Variants in MMP26 observed in about 807,000 individuals in gnomAD.
The protein encoded by MMP26 is matrix metalloproteinase-26.
A neutral mutation model predicts 31.0 loss-of-function variants in MMP26; 33 were observed. The observed-to-expected ratio is 1.06, with a 90% CI of 0.81 to 1.42. The LOEUF (loss-of-function observed/expected upper bound fraction) is 1.42, where lower values mean the gene tolerates loss of function less well. Among genes scored for constraint, MMP26 ranks in the 40% most tolerant of loss-of-function variants. MMP26 has a pLI of 0.00. For missense variants in MMP26, 347 were observed against 316.1 expected (o/e 1.10, Z -0.74); for synonymous variants, 122 against 114.9 (o/e 1.06, Z -0.40).
intron 2 of MMP26, among the ~76,000 whole-genome samples, chr11:4,819,024 G>C (rs931507900): frequency 6.6e-6 from 1 of 152,048 alleles, no homozygotes; most frequent in African/African-American, 2.4e-5. Flanking sequence ...GAGAATACAG[G>C]ATAACTCCTA....
rs58016783 is a variant in MMP26, at chr11:4,986,511, ATTTTTTTTTTTTTTTTTTT to A, written c.-144-1538_-144-1520del. 1.7e-3 allele frequency among the ~76,000 whole-genome samples: 53 copies of A among 31,634 alleles called. 1 individual carries two copies. Among genetic ancestry groups the A allele is most frequent in the African/African-American group, 4.7e-3 (41 of 8,800 alleles). The allele number at this position is 31,634 out of a possible 152,430, so 20.8% of individuals were successfully genotyped here. A position where few individuals can be genotyped will look rare whatever the true frequency, so the allele number is the denominator to read the frequency against. ...AAGTGAGCACCACCATGCCCAGTCG[ATTTTTTTTTTTTTTTTTTT>A]TTTTTTTTTTTTTTTTTTGAGACAG... is the stretch of plus-strand genomic sequence containing the variant. On this transcript the variant is annotated intron_variant, in intron 2 of 7. Transcript: ENST00000380390.
At chr11:4,859,479 C>T (rs1255275103) in intron 2 of MMP26, 1 of 351,590 alleles carries the variant, frequency 2.8e-6, no homozygotes, top group Non-Finnish European at 5.6e-6. Context: ...TATGTATCTT[C>T]ACCCACAAGC....
At chr11:4,717,248 C>T (rs576615477) in intron 1 of MMP26, among the ~76,000 whole-genome samples, 2 of 152,172 alleles carry the variant, frequency 1.3e-5, no homozygotes, top group East Asian at 3.9e-4. Context: ...CCTTATGATC[C>T]TCAGGGCAGG....
chr11:4,768,709 C>A (rs1313175621), intron 2 of MMP26, among the ~76,000 whole-genome samples: 1 of 152,088 alleles, frequency 6.6e-6, no homozygotes, highest in Non-Finnish European at 1.5e-5. Flanking sequence ...TAGTAGAACA[C>A]CTAGCCTGAA....
At chr11:4,804,392 T>C (rs759582334) in intron 2 of MMP26, 4 of 1,598,400 alleles carry the variant, frequency 2.5e-6, no homozygotes, top group Non-Finnish European at 3.4e-6. Flanking sequence ...GACTGGTTAA[T>C]ATGGTCTCTG....
chr11:4,824,409 G>A (rs1003972132), intron 2 of MMP26, among the ~76,000 whole-genome samples: 14 of 152,012 alleles, frequency 9.2e-5, no homozygotes, highest in South Asian at 2.1e-4. Flanking sequence ...ACACTTATAC[G>A]ATTTTTAAGT....
At chr11:4,773,351 G>T (rs146464047) in intron 2 of MMP26, among the ~76,000 whole-genome samples, 55 of 152,308 alleles carry the variant, frequency 3.6e-4, no homozygotes, top group African/African-American at 1.3e-3. Context: ...AAGACTAAGA[G>T]TGGACTCCAG....
At chr11:4,893,703 G>T (rs766471816) in intron 2 of MMP26, among the ~76,000 whole-genome samples, 3 of 151,986 alleles carry the variant, frequency 2.0e-5, no homozygotes, top group Non-Finnish European at 2.9e-5. Flanking sequence ...AATACTTTTA[G>T]TTAAAAAAGA....
At chr11:4,983,979 A>G (rs1846850632) in intron 2 of MMP26, among the ~76,000 whole-genome samples, 2 of 152,192 alleles carry the variant, frequency 1.3e-5, no homozygotes, top group Admixed American at 1.3e-4. Flanking sequence ...TCAGCAGCTG[A>G]ATCGTTAATA....
At chr11:4,793,319 C>T (rs142814489) in intron 2 of MMP26, among the ~76,000 whole-genome samples, 79 of 152,236 alleles carry the variant, frequency 5.2e-4, no homozygotes, top group African/African-American at 1.9e-3. Flanking sequence ...CAACCAAACT[C>T]TTTGGTGTTT....
chr11:4,930,428 C>T (rs981730038), intron 2 of MMP26, among the ~76,000 whole-genome samples: 3 of 152,078 alleles, frequency 2.0e-5, no homozygotes, highest in Non-Finnish European at 2.9e-5. Context: ...TCAGTGCTTA[C>T]CCCTTTCTTG....
intron 2 of MMP26, chr11:4,769,622 C>A: frequency 6.2e-7 from 1 of 1,607,984 alleles, no homozygotes; most frequent in African/African-American, 1.4e-5. Flanking sequence ...CTGGACAATG[C>A]AGCTATATAG....
At chr11:4,715,114 A>G (rs1747154924) in intron 1 of MMP26, among the ~76,000 whole-genome samples, 1 of 152,138 alleles carries the variant, frequency 6.6e-6, no homozygotes, top group South Asian at 2.1e-4. Context: ...CAACTCTTGG[A>G]TTGAATTCAC....
intron 1 of MMP26, among the ~76,000 whole-genome samples, chr11:4,730,404 A>AGAGAGAGAGAGAG (rs1848157903): frequency 3.4e-5 from 5 of 144,952 alleles, no homozygotes; most frequent in African/African-American, 1.1e-4. Flanking sequence ...GTTTCTGGGA[A>AGAGAGAGAGAGAG]AGAGAGAGAG....
At chr11:4,958,565 C>T (rs1027691555) in intron 2 of MMP26, among the ~76,000 whole-genome samples, 1 of 152,050 alleles carries the variant, frequency 6.6e-6, no homozygotes, top group African/African-American at 2.4e-5. Context: ...CTCTATCAAC[C>T]ATCTATCTTC....
intron 2 of MMP26, among the ~76,000 whole-genome samples, chr11:4,884,232 C>A (rs917356942): frequency 2.6e-5 from 4 of 151,974 alleles, no homozygotes; most frequent in Non-Finnish European, 5.9e-5. Context: ...TGAGGAAAAA[C>A]AAGTGAATGA....
At chr11:4,751,814 A>G (rs1050927442) in intron 1 of MMP26, among the ~76,000 whole-genome samples, 3 of 152,136 alleles carry the variant, frequency 2.0e-5, no homozygotes, top group African/African-American at 7.2e-5. Flanking sequence ...TCAGTTAGTC[A>G]TCTGTTGGAA....
At position 4,984,613 on chromosome 11, in the gene MMP26, C is replaced by T. The variant is rs544800610; in HGVS notation, c.-144-3455C>T. ...TACAGATATTAATGCAACTTGACGT[C>T]GCTGTCATTAATGAGCCTACAGTGT... On this transcript the variant is annotated intron_variant, in intron 2 of 7. Transcript: ENST00000380390. Among the ~76,000 whole-genome samples the T allele has an allele frequency of 3.9e-5, 6 of 152,180 alleles. No homozygotes were observed. The South Asian group carries it at 1.0e-3, about 26-fold the overall frequency.
At chr11:4,885,999 C>T (rs74054624) in intron 2 of MMP26, among the ~76,000 whole-genome samples, 2,050 of 152,136 alleles carry the variant, frequency 0.013, 51 homozygotes, top group African/African-American at 0.047. Context: ...TATGTAACAA[C>T]CAACACAGGG....
Sources: gnomAD v4.1 joint callset for allele counts (sites outside exome capture counted in the v4.1 genomes callset) on GRCh38, gnomAD v4.1.1 for gene constraint, MANE v1.5 for transcripts, NCBI Gene and HGNC (gene_info 2026-07-23, HGNC 2026-07-21) for gene names.